Variants in GRAMD1A observed in about 807,000 individuals in gnomAD.
GRAMD1A encodes the protein protein Aster-A.
In GRAMD1A, 50 loss-of-function variants were observed where a neutral mutation model predicts 92.0. The ratio of observed to expected loss-of-function variants is 0.54; its 90% confidence interval spans 0.43 to 0.69. The LOEUF (loss-of-function observed/expected upper bound fraction) is 0.69, where lower values mean the gene tolerates loss of function less well. Ranked by LOEUF, GRAMD1A falls within the 30% of genes least tolerant of loss-of-function variation. The pLI is 0.00. For missense variants in GRAMD1A, 819 were observed against 978.9 expected, an observed-to-expected ratio of 0.84 and a Z score of 2.18; for synonymous variants, 405 against 403.6, an observed-to-expected ratio of 1.00 and a Z score of -0.04.
At chr19:35,004,674 G>C (rs1391226634) in intron 1 of GRAMD1A, among the ~76,000 whole-genome samples, 1 of 152,112 alleles carries the variant, frequency 6.6e-6, no homozygotes, top group African/African-American at 2.4e-5. Flanking sequence ...CAGTCATGGA[G>C]GCGCCTAACA....
intron 7 of GRAMD1A, among the ~76,000 whole-genome samples, chr19:35,011,892 GAGCCCC>G (rs1342349313): frequency 6.6e-6 from 1 of 152,182 alleles, no homozygotes; most frequent in Non-Finnish European, 1.5e-5. Context: ...GCACCTCAGA[GAGCCCC>G]AGCCCCATCC....
rs147556185 is a variant in GRAMD1A at position 35,004,127 on chromosome 19, G to A, written c.8+3641G>A. On this transcript the variant is annotated intron_variant, in intron 1 of 19. Coordinates refer to ENST00000317991, the MANE Select transcript of GRAMD1A (RefSeq NM_020895.5). ...GACTGTAGTCCCAGCTATCAGGGAA[G>A]CTAAGGCTGGAGGATCGCTTGAGCC... is the stretch of plus-strand genomic sequence containing the variant. 2.1e-3 allele frequency among the ~76,000 whole-genome samples: 317 copies of A among 152,294 alleles called. 1 individual carries two copies. The highest frequency in any genetic ancestry group is 3.6e-3 in the Non-Finnish European group (246 of 68,024).
intron 11 of GRAMD1A, among the ~76,000 whole-genome samples, chr19:35,016,259 C>CTA (rs1452665092): frequency 1.3e-5 from 2 of 152,094 alleles, no homozygotes; most frequent in African/African-American, 4.8e-5. Flanking sequence ...AGAAAAGTTC[C>CTA]TAGAGCAATA....
intron 11 of GRAMD1A, among the ~76,000 whole-genome samples, chr19:35,016,922 A>AT (rs2015679214): frequency 6.7e-6 from 1 of 148,616 alleles, no homozygotes; most frequent in Non-Finnish European, 1.5e-5. Context: ...AAAAAAAAAA[A>AT]GGTGGGAGGA....
chr19:35,019,308 A>G lies in GRAMD1A; in HGVS notation c.1331A>G (p.Gln444Arg). ...AAGAGCGCCTCCGTGGTGGAGACACAGGTGGGCCAGGTGGGGCAGCCGAGT... is the reference window on the plus strand; with the variant it reads ...AAGAGCGCCTCCGTGGTGGAGACACGGGTGGGCCAGGTGGGGCAGCCGAGT... ...GPKSASVVET[Q>R]TLFRRGPQAG... Residue 444 changes from glutamine (Q) to arginine (R), a missense_variant and splice_region_variant, in exon 12 of 20, where the codon CAG becomes CGG. By Grantham distance (43) the Gln-to-Arg change is conservative (BLOSUM62 1). This residue lies in a region of GRAMD1A where 577 missense variants were observed against 674.6 expected (regional missense o/e 0.86). Coordinates refer to ENST00000317991, the MANE Select transcript of GRAMD1A (RefSeq NM_020895.5). 1.2e-6 allele frequency: 2 copies of G among 1,611,940 alleles called. No homozygotes were observed. Among genetic ancestry groups the G allele is most frequent in the Non-Finnish European group, 1.7e-6 (2 of 1,178,632 alleles).
rs2151696138 is a variant in GRAMD1A, at chr19:35,000,451, C to CGG, written c.-28_-27insGG. 1 of 1,252,296 alleles carries CGG rather than the reference C, an allele frequency of 8.0e-7. No individual in the cohort carries two copies. Among genetic ancestry groups the CGG allele is most frequent in the East Asian group, 3.3e-5 (1 of 29,862 alleles). The allele number at this position is 1,252,296 out of a possible 1,614,324, so 77.6% of individuals were successfully genotyped here. On this transcript the variant is annotated 5_prime_UTR_variant, in exon 1 of 20. Transcript: ENST00000317991. The surrounding 1 kb of genome is among the most constrained non-coding windows in gnomAD (Gnocchi z 4.9). ...CTGCCCTGCCCTGCCCTGCCCTGCG[C>CGG]CCGGGGCGCGCCCACCGCGCCGCAT...
rs2015429727 is a variant in GRAMD1A at position 35,013,847 on chromosome 19, G to GGACATGTGA, written c.870+157_870+165dup. 6.6e-6 allele frequency among the ~76,000 whole-genome samples: 1 copy of GGACATGTGA among 152,106 alleles called. No individual in the cohort carries two copies. Among genetic ancestry groups the GGACATGTGA allele is most frequent in the East Asian group, 1.9e-4 (1 of 5,184 alleles). ...AGGAACAGGACAGGGAGGGGAAGAC[G>GGACATGTGA]GACATGTGACAGGGAAAGAGAGACA... On this transcript the variant is annotated intron_variant, in intron 9 of 19. Coordinates refer to ENST00000317991, the MANE Select transcript of GRAMD1A (RefSeq NM_020895.5). The surrounding 1 kb of genome is among the most constrained non-coding windows in gnomAD (Gnocchi z 4.9).
chr19:35,020,553 CA>C (rs998813448), intron 13 of GRAMD1A, among the ~76,000 whole-genome samples: 3 of 115,436 alleles, frequency 2.6e-5, no homozygotes, highest in African/African-American at 9.9e-5. Flanking sequence ...AACAAACAAA[CA>C]AACAAAAAAC....
chr19:35,013,915 A>T lies in GRAMD1A; in HGVS notation c.870+224A>T, dbSNP rs2015435308. 6.6e-6 allele frequency among the ~76,000 whole-genome samples: 1 copy of T among 152,056 alleles called. No homozygotes were observed. Among genetic ancestry groups the T allele is most frequent in the South Asian group, 2.1e-4 (1 of 4,828 alleles). ...ACAGAAAGGATGAGAGACAGAAGGG[A>T]TGGGAGATGGGTGGATAGATGAAGC... On this transcript the variant is annotated intron_variant, in intron 9 of 19. Transcript: ENST00000317991. This position sits in a 1 kb window ranked among gnomAD's most constrained non-coding sequence, Gnocchi z 4.9.
At chr19:34,999,083 G>T (rs989366359), upstream of GRAMD1A, among the ~76,000 whole-genome samples, 1 of 152,104 alleles carries the variant, frequency 6.6e-6, no homozygotes, top group Non-Finnish European at 1.5e-5. Flanking sequence ...CTGGCTGCAG[G>T]TGAGAACAGA....
intron 19 of GRAMD1A, chr19:35,025,425 G>T (rs113026725): frequency 0.14 from 20,763 of 152,220 alleles, 1,556 homozygotes; most frequent in Middle Eastern, 0.19. Context: ...TGTATTTTTA[G>T]TAGAGACGGG....
Position 35,009,850 on chromosome 19 carries a change from AACCCCCATCCAGGTTCTC to A in GRAMD1A, c.241-34_241-17del. On this transcript the variant is annotated intron_variant, in intron 3 of 19. Coordinates refer to ENST00000317991, the MANE Select transcript of GRAMD1A (RefSeq NM_020895.5). ...TTTGTGGGGCAGCATTGGGAGTGTGAACCCCCATCCAGGTTCTCACCTCTCAAACTTCCTCAGATGCTG... is the reference window on the plus strand; with the variant it reads ...TTTGTGGGGCAGCATTGGGAGTGTGAACCTCTCAAACTTCCTCAGATGCTG... 8.2e-7 allele frequency: 1 copy of A among 1,223,464 alleles called. No individual in the cohort carries two copies. The highest frequency in any genetic ancestry group is 1.2e-6 in the Non-Finnish European group (1 of 823,210). 75.8% of individuals were successfully genotyped at this position (1,223,464 alleles called of 1,614,324 possible).
upstream of GRAMD1A, among the ~76,000 whole-genome samples, chr19:34,995,736 A>G (rs1228143833): frequency 6.6e-6 from 1 of 151,942 alleles, no homozygotes; most frequent in Non-Finnish European, 1.5e-5. Context: ...GGGACGTGCC[A>G]CCATGCCTAG....
chr19:35,019,783 C>G (rs1035746817), intron 13 of GRAMD1A, among the ~76,000 whole-genome samples: 5 of 152,216 alleles, frequency 3.3e-5, no homozygotes, highest in African/African-American at 1.2e-4. Flanking sequence ...AATATCACCT[C>G]TCTCAGGGAG....
At position 35,019,382 on chromosome 19, in the gene GRAMD1A, T is replaced by C; in HGVS notation, c.1333-9T>C. The C allele has an allele frequency of 1.2e-6, 2 of 1,613,680 alleles. No homozygotes were observed. Among genetic ancestry groups the C allele is most frequent in the Non-Finnish European group, 8.5e-7 (1 of 1,179,894 alleles). On this transcript the variant is annotated splice_polypyrimidine_tract_variant and intron_variant, in intron 12 of 19. Transcript: ENST00000317991. ...GGTGGCCCTGACTTCTCCGGCTCTG[T>C]CCCTGCAGACGCTGTTCCGGCGCGG...
chr19:35,022,883 C>G lies in GRAMD1A; in HGVS notation c.1842-17C>G. The G allele has an allele frequency of 6.2e-7, 1 of 1,603,902 alleles. No homozygotes were observed. Among genetic ancestry groups the G allele is most frequent in the Non-Finnish European group, 8.5e-7 (1 of 1,175,510 alleles). The stretch of plus-strand genomic sequence containing the variant: ...CGGCGCTCATCTCTCTGTCTCCCCT[C>G]ACTGCTGCTGCTGCAGGATCTGTGT... On this transcript the variant is annotated splice_polypyrimidine_tract_variant and intron_variant, in intron 16 of 19. Transcript: ENST00000317991.
rs1220950451 is a variant in GRAMD1A at position 35,009,950 on chromosome 19, C to T, written c.303C>T (p.Pro101=). 1.1e-5 allele frequency: 18 copies of T among 1,610,388 alleles called. No individual in the cohort carries two copies. The highest frequency in any genetic ancestry group is 6.7e-5 in the East Asian group (3 of 44,866). The change falls in exon 4 of 20, where the codon CCC becomes CCT. Residue 101 remains proline (P), a synonymous_variant. Coordinates refer to ENST00000317991, the MANE Select transcript of GRAMD1A (RefSeq NM_020895.5). ...EDFRKLFSKL[P]EAERLIVDYS... is the part of the protein sequence containing the mutation. ...TCCGGAAACTGTTCAGCAAACTCCC[C>T]GAAGCAGAACGCCTCATTGTGGGTG... is the stretch of plus-strand genomic sequence containing the variant.
At chr19:35,023,033 G>A (rs915358522) in intron 17 of GRAMD1A, 122 bp downstream of exon 17, 2 of 896,042 alleles carry the variant, frequency 2.2e-6, no homozygotes, top group African/African-American at 1.6e-5. Context: ...GCAGTCAAGG[G>A]TATGGGCATC....
intron 10 of GRAMD1A, 174 bp downstream of exon 10, chr19:35,014,561 A>G: frequency 1.6e-6 from 1 of 635,334 alleles, no homozygotes; most frequent in Non-Finnish European, 2.8e-6. Context: ...GCAGCATGGC[A>G]GGGTGAACAC....
Sources: gnomAD v4.1 joint callset for allele counts (sites outside exome capture counted in the v4.1 genomes callset) on GRCh38, gnomAD v4.1.1 for gene constraint, gnomAD v4.1.1 regional missense constraint, Gnocchi (gnomAD v3.1) non-coding constraint, MANE v1.5 for transcripts, NCBI Gene and HGNC (gene_info 2026-07-23, HGNC 2026-07-21) for gene names.